The following PTPRD variants were observed in gnomAD, a reference collection of about 807,000 sequenced individuals.
The protein encoded by PTPRD is receptor-type tyrosine-protein phosphatase delta.
PTPRD carries 34 observed loss-of-function variants against 214.5 expected under a neutral mutation model. That is an observed-to-expected ratio of 0.16 (90% CI 0.12 to 0.21). The LOEUF is 0.21. Ranked by LOEUF, PTPRD falls within the 10% of genes least tolerant of loss-of-function variation. PTPRD has a pLI of 1.00. For missense variants in PTPRD, 2,545 were observed against 2,398.7 expected (o/e 1.06, Z -1.27); for synonymous variants, 1,128 against 845.7 (o/e 1.33, Z -5.79).
At chr9:9,202,728 A>T (rs945908161) in intron 9 of PTPRD, among the ~76,000 whole-genome samples, 2 of 152,244 alleles carry the variant, frequency 1.3e-5, no homozygotes, top group African/African-American at 4.8e-5. Context: ...ACTGCTGCAC[A>T]TGTAACCTGA....
chr9:8,965,758 A>G (rs2099189992), intron 11 of PTPRD, among the ~76,000 whole-genome samples: 1 of 152,146 alleles, frequency 6.6e-6, no homozygotes, highest in African/African-American at 2.4e-5. Context: ...CATCATCTCT[A>G]TCTAACATAG....
chr9:9,646,869 G>C (rs1161708196), intron 7 of PTPRD, among the ~76,000 whole-genome samples: 1 of 152,194 alleles, frequency 6.6e-6, no homozygotes, highest in East Asian at 1.9e-4. Context: ...GTACAATAAT[G>C]TGGTCTTTCT....
At chr9:9,767,087 G>T (rs998015173) in intron 5 of PTPRD, among the ~76,000 whole-genome samples, 7 of 151,328 alleles carry the variant, frequency 4.6e-5, no homozygotes, top group African/African-American at 1.7e-4. Flanking sequence ...GAACCCAAAG[G>T]ACTTCTGTTC....
chr9:10,344,043 T>C (rs1392169886), intron 2 of PTPRD, among the ~76,000 whole-genome samples: 1 of 139,032 alleles, frequency 7.2e-6, no homozygotes, highest in African/African-American at 2.6e-5. Flanking sequence ...TTAGATCCCA[T>C]TTGTCTATTT....
intron 8 of PTPRD, among the ~76,000 whole-genome samples, chr9:9,443,838 G>C (rs977118192): frequency 2.0e-5 from 3 of 152,186 alleles, no homozygotes; most frequent in Non-Finnish European, 4.4e-5. Context: ...GCTTTAAGCT[G>C]CTAAGTTTAC....
At chr9:10,512,011 CGTGTGTGT>C (rs2048385452) in intron 2 of PTPRD, among the ~76,000 whole-genome samples, 1 of 41,178 alleles carries the variant, frequency 2.4e-5, no homozygotes, top group East Asian at 6.6e-4. Flanking sequence ...TATATATATA[CGTGTGTGT>C]ATATATATAT....
At chr9:9,578,666 A>G (rs916618787) in intron 7 of PTPRD, among the ~76,000 whole-genome samples, 1 of 152,138 alleles carries the variant, frequency 6.6e-6, no homozygotes, top group African/African-American at 2.4e-5. Flanking sequence ...TAGGATTTCT[A>G]CATTGTATCT....
chr9:8,933,250 A>G (rs181644694), intron 11 of PTPRD, among the ~76,000 whole-genome samples: 29 of 151,032 alleles, frequency 1.9e-4, no homozygotes, highest in Admixed American at 8.0e-4. Context: ...GTTGGAAATG[A>G]AAAAATCATC....
intron 2 of PTPRD, among the ~76,000 whole-genome samples, chr9:10,465,864 T>C (rs2098989988): frequency 6.6e-6 from 1 of 152,186 alleles, no homozygotes; most frequent in Non-Finnish European, 1.5e-5. Context: ...CGCATGACTG[T>C]TTATACAGAT....
intron 2 of PTPRD, among the ~76,000 whole-genome samples, chr9:10,430,875 G>A (rs2098670905): frequency 6.6e-6 from 1 of 151,864 alleles, no homozygotes; most frequent in African/African-American, 2.4e-5. Context: ...ACAACACTTA[G>A]TGATAAAGAA....
At chr9:9,630,381 G>C (rs1054790548) in intron 7 of PTPRD, among the ~76,000 whole-genome samples, 8 of 152,120 alleles carry the variant, frequency 5.3e-5, no homozygotes, top group African/African-American at 1.9e-4. Flanking sequence ...GGAGAAGGCA[G>C]GGAGAGGATG....
At chr9:9,558,499 A>G (rs1039701796) in intron 8 of PTPRD, among the ~76,000 whole-genome samples, 3 of 152,168 alleles carry the variant, frequency 2.0e-5, no homozygotes, top group Non-Finnish European at 4.4e-5. Context: ...AACTTTGGGT[A>G]CACACACCTG....
intron 3 of PTPRD, among the ~76,000 whole-genome samples, chr9:10,140,626 A>T (rs1444577123): frequency 2.0e-5 from 3 of 152,090 alleles, no homozygotes; most frequent in African/African-American, 4.8e-5. Flanking sequence ...CAACGAAAAA[A>T]GTCCAGGACC....
At chr9:8,741,674 C>T (rs532303964) in intron 11 of PTPRD, among the ~76,000 whole-genome samples, 10,536 of 144,846 alleles carry the variant, frequency 0.073, 1,030 homozygotes, top group African/African-American at 0.23. Context: ...ACCCCCAACC[C>T]CCACTTCCCA....
chr9:10,512,819 A>G (rs1468025467), intron 2 of PTPRD, among the ~76,000 whole-genome samples: 1 of 152,164 alleles, frequency 6.6e-6, no homozygotes, highest in African/African-American at 2.4e-5. Flanking sequence ...TTAGAGTATT[A>G]AAGTATAACT....
intron 14 of PTPRD, among the ~76,000 whole-genome samples, chr9:8,622,832 T>C (rs1215588508): frequency 6.6e-6 from 1 of 151,956 alleles, no homozygotes; most frequent in Admixed American, 6.6e-5. Flanking sequence ...AAACTTGTCA[T>C]TCATTCATTC....
chr9:8,337,775 G>C (rs1398573190), intron 43 of PTPRD, among the ~76,000 whole-genome samples: 3 of 152,050 alleles, frequency 2.0e-5, no homozygotes, highest in African/African-American at 7.2e-5. Context: ...GTGGGGCCTG[G>C]TGCCTTTTCT....
Position 9,875,628 on chromosome 9 carries a change from T to C in PTPRD, c.-368+62879A>G, listed in dbSNP as rs190323242. On this transcript the variant is annotated intron_variant, in intron 5 of 45. Transcript: ENST00000381196. ...TAATAGAATTATTGTAGGTTAACAATGTCTTATCAGTTTGGAAACACAGTC... is the reference window on the plus strand; with the variant it reads ...TAATAGAATTATTGTAGGTTAACAACGTCTTATCAGTTTGGAAACACAGTC... 4.1e-3 allele frequency among the ~76,000 whole-genome samples: 624 copies of C among 152,234 alleles called. 3 individuals carry two copies. Among genetic ancestry groups the C allele is most frequent in the African/African-American group, 0.014 (574 of 41,568 alleles).
chr9:10,487,021 C>T (rs569289898), intron 2 of PTPRD, among the ~76,000 whole-genome samples: 46 of 152,216 alleles, frequency 3.0e-4, no homozygotes, highest in African/African-American at 1.1e-3. Context: ...ACTGTTATAT[C>T]CTCTTGATTA....
Sources: gnomAD v4.1 joint callset for allele counts (sites outside exome capture counted in the v4.1 genomes callset) on GRCh38, gnomAD v4.1.1 for gene constraint, MANE v1.5 for transcripts, NCBI Gene and HGNC (gene_info 2026-07-23, HGNC 2026-07-21) for gene names.